The following NEGR1 variants were observed in gnomAD, a reference collection of about 807,000 sequenced individuals.
The protein encoded by NEGR1 is neuronal growth regulator 1.
NEGR1 carries 10 observed loss-of-function variants against 40.9 expected under a neutral mutation model. The observed-to-expected ratio is 0.24, with a 90% CI of 0.15 to 0.42. The LOEUF (loss-of-function observed/expected upper bound fraction) is 0.42. NEGR1 is among the 10% of genes least tolerant of loss of function. The pLI is 1.00. For synonymous variants in NEGR1, 185 were observed against 166.8 expected, an observed-to-expected ratio of 1.11 and a Z score of -0.84; for missense variants, 352 against 438.9, an observed-to-expected ratio of 0.80 and a Z score of 1.77.
At chr1:72,196,622 T>C (rs1055290426) in intron 1 of NEGR1, among the ~76,000 whole-genome samples, 1 of 150,124 alleles carries the variant, frequency 6.7e-6, no homozygotes, top group Non-Finnish European at 1.5e-5. Flanking sequence ...ATAACAAAAT[T>C]AGCGAGGCGT....
chr1:71,763,827 A>T (rs1192385734), intron 3 of NEGR1, among the ~76,000 whole-genome samples: 1 of 151,984 alleles, frequency 6.6e-6, no homozygotes, highest in African/African-American at 2.4e-5. Flanking sequence ...ATCAGGAAAA[A>T]AAACACTTGC....
intron 4 of NEGR1, among the ~76,000 whole-genome samples, chr1:71,645,184 G>A (rs892840465): frequency 9.2e-5 from 14 of 151,914 alleles, no homozygotes; most frequent in Admixed American, 1.3e-4. Flanking sequence ...CTTTGATTAT[G>A]TTCTACTGTG....
intron 6 of NEGR1, among the ~76,000 whole-genome samples, chr1:71,537,494 GCAAATT>G: frequency 6.6e-6 from 1 of 151,628 alleles, no homozygotes; most frequent in East Asian, 2.0e-4. Context: ...TGGAAGAGAG[GCAAATT>G]CAATGTTAAT....
chr1:71,999,977 C>G (rs1164760154), intron 1 of NEGR1, among the ~76,000 whole-genome samples: 1 of 151,550 alleles, frequency 6.6e-6, no homozygotes, highest in Non-Finnish European at 1.5e-5. Flanking sequence ...CATATTTGAG[C>G]CTCTATTTTG....
chr1:71,776,164 T>A lies in NEGR1; in HGVS notation c.535+8A>T. ...AGCACAAACAACACTAATGCATTCC[T>A]ACTTTACCTGATGGGGAGATGTGTC... is the stretch of plus-strand genomic sequence containing the variant. On this transcript the variant is annotated splice_region_variant and intron_variant, in intron 3 of 6. Transcript: ENST00000357731. The A allele has an allele frequency of 6.2e-7, 1 of 1,607,450 alleles. No homozygotes were observed. Among genetic ancestry groups the A allele is most frequent in the Admixed American group, 1.7e-5 (1 of 59,354 alleles).
intron 6 of NEGR1, among the ~76,000 whole-genome samples, chr1:71,551,716 G>T (rs1422682294): frequency 2.0e-5 from 3 of 151,454 alleles, no homozygotes; most frequent in Non-Finnish European, 4.4e-5. Context: ...CAGTATTAGG[G>T]CTGCACAGAG....
At chr1:72,069,515 A>G (rs1310777296) in intron 1 of NEGR1, among the ~76,000 whole-genome samples, 1 of 152,120 alleles carries the variant, frequency 6.6e-6, no homozygotes, top group African/African-American at 2.4e-5. Context: ...GGTTTATATC[A>G]TATTGTATAT....
At chr1:71,534,321 T>C (rs1647447205) in intron 6 of NEGR1, among the ~76,000 whole-genome samples, 1 of 151,626 alleles carries the variant, frequency 6.6e-6, no homozygotes, top group Non-Finnish European at 1.5e-5. Context: ...TTAGCAGTAG[T>C]TATAAAATAA....
chr1:71,962,764 C>T (rs184295056), intron 1 of NEGR1, among the ~76,000 whole-genome samples: 1 of 135,638 alleles, frequency 7.4e-6, no homozygotes, highest in Non-Finnish European at 1.6e-5. Context: ...TGTCTAAATT[C>T]TCCAAGTTTT....
At chr1:71,982,921 A>C (rs1262570018) in intron 1 of NEGR1, among the ~76,000 whole-genome samples, 3 of 152,170 alleles carry the variant, frequency 2.0e-5, no homozygotes, top group African/African-American at 7.2e-5. Flanking sequence ...TGGAAAGATA[A>C]GTGCATTCTA....
In NEGR1 at chr1:72,210,936, G is replaced by A. The variant is rs183765067; in HGVS notation, c.176+71383C>T. On this transcript the variant is annotated intron_variant, in intron 1 of 6. Coordinates refer to ENST00000357731, the MANE Select transcript of NEGR1 (RefSeq NM_173808.3). ...TTTGGTGTAGTACAAAAGAAGAATC[G>A]TGGATGTGTTTATTACCTTGATGGT... Among the ~76,000 whole-genome samples, 89 of 151,922 alleles carry A rather than the reference G, an allele frequency of 5.9e-4. No individual in the cohort carries two copies. The East Asian group carries it at 0.01, about 18-fold the overall frequency.
chr1:72,099,912 CAT>C (rs1417720347), intron 1 of NEGR1, among the ~76,000 whole-genome samples: 1 of 151,774 alleles, frequency 6.6e-6, no homozygotes, highest in African/African-American at 2.4e-5. Context: ...CACACACACA[CAT>C]ACACATACAT....
chr1:71,745,461 A>T (rs1041683670), intron 3 of NEGR1, among the ~76,000 whole-genome samples: 13 of 152,176 alleles, frequency 8.5e-5, no homozygotes, highest in African/African-American at 3.1e-4. Flanking sequence ...TGCTCACACT[A>T]TATAGAGCCC....
intron 4 of NEGR1, among the ~76,000 whole-genome samples, chr1:71,654,272 A>C (rs1406771620): frequency 6.6e-6 from 1 of 152,208 alleles, no homozygotes; most frequent in Non-Finnish European, 1.5e-5. Context: ...CTGTAATGAT[A>C]TATGACATTA....
intron 4 of NEGR1, among the ~76,000 whole-genome samples, chr1:71,619,858 G>T (rs1317529827): frequency 1.3e-5 from 2 of 152,028 alleles, no homozygotes; most frequent in African/African-American, 4.8e-5. Flanking sequence ...CAGAAACTCT[G>T]CACTTGGCAC....
chr1:72,243,055 T>C (rs1208055857), intron 1 of NEGR1, among the ~76,000 whole-genome samples: 4 of 151,584 alleles, frequency 2.6e-5, no homozygotes, highest in African/African-American at 4.8e-5. Flanking sequence ...ATTTCTGTAT[T>C]ATTTATTTAA....
At chr1:71,595,271 G>C (rs1217301418) in intron 5 of NEGR1, among the ~76,000 whole-genome samples, 1 of 152,168 alleles carries the variant, frequency 6.6e-6, no homozygotes, top group Admixed American at 6.5e-5. Context: ...GGTTATTATG[G>C]CCAATAAAAA....
chr1:72,071,828 T>C (rs761532472), intron 1 of NEGR1, among the ~76,000 whole-genome samples: 13 of 152,138 alleles, frequency 8.5e-5, no homozygotes, highest in Non-Finnish European at 1.6e-4. Context: ...TCAAAATTAG[T>C]GTCTTCTTCA....
intron 1 of NEGR1, among the ~76,000 whole-genome samples, chr1:72,179,234 T>C (rs907441709): frequency 2.6e-5 from 4 of 152,092 alleles, no homozygotes; most frequent in African/African-American, 9.7e-5. Flanking sequence ...TAGTCAGTTA[T>C]CCCAGCAGCA....
Sources: gnomAD v4.1 joint callset for allele counts (sites outside exome capture counted in the v4.1 genomes callset) on GRCh38, gnomAD v4.1.1 for gene constraint, MANE v1.5 for transcripts, NCBI Gene and HGNC (gene_info 2026-07-23, HGNC 2026-07-21) for gene names.